The following RIN2 variants were observed in gnomAD, a reference collection of about 807,000 sequenced individuals.
The protein encoded by RIN2 is Ras and Rab interactor 2, also known as RAB5 interacting protein 2.
Under a neutral mutation model 78.0 loss-of-function variants are expected in RIN2, and 36 were observed. The observed-to-expected ratio is 0.46, with a 90% CI of 0.35 to 0.61. The LOEUF is 0.61. Among genes scored for constraint, RIN2 ranks in the 20% least tolerant of loss-of-function variants. The pLI is 0.00. For missense variants in RIN2, 1,087 were observed against 1,159.7 expected, an observed-to-expected ratio of 0.94 and a Z score of 0.91; for synonymous variants, 466 against 466.8, an observed-to-expected ratio of 1.00 and a Z score of 0.02.
chr20:19,905,493 T>G (rs1473743143), intron 3 of RIN2, among the ~76,000 whole-genome samples: 3 of 152,094 alleles, frequency 2.0e-5, no homozygotes, highest in Admixed American at 6.6e-5. Flanking sequence ...GAGGCTGAGA[T>G]GGGAGGATGG....
At chr20:19,889,543 A>G (rs2038346352) in intron 2 of RIN2, 23 bp from the exon 3 acceptor site, 1 of 1,544,716 alleles carries the variant, frequency 6.5e-7, no homozygotes, top group South Asian at 1.2e-5. Context: ...TGGACTAACC[A>G]TTAAAAATGT....
chr20:19,997,412 G>T (rs2146422888), intron 12 of RIN2, among the ~76,000 whole-genome samples: 1 of 152,228 alleles, frequency 6.6e-6, no homozygotes, highest in African/African-American at 2.4e-5. Context: ...GGGAATGTGG[G>T]ACTCCCAGTG....
chr20:19,954,682 G>A (rs1394308759), intron 4 of RIN2, among the ~76,000 whole-genome samples: 1 of 151,840 alleles, frequency 6.6e-6, no homozygotes, highest in African/African-American at 2.4e-5. Context: ...GCCGCTACAT[G>A]GATACAAACT....
intron 3 of RIN2, among the ~76,000 whole-genome samples, chr20:19,903,951 C>T (rs2039100094): frequency 6.6e-6 from 1 of 152,026 alleles, no homozygotes; most frequent in Non-Finnish European, 1.5e-5. Flanking sequence ...TGCAGGTGTT[C>T]AATAAATATG....
In RIN2 at chr20:20,000,997, C is replaced by A. The variant is rs1407966105; in HGVS notation, c.*61C>A. ...GGGAGCTGGAAGCCTTGCCTTCCCG[C>A]TTCTACATGCTTGAGCTTGAAAAGC... On this transcript the variant is annotated 3_prime_UTR_variant, in exon 13 of 13. Transcript: ENST00000255006. The A allele has an allele frequency of 3.5e-6, 5 of 1,439,432 alleles. No individual in the cohort carries two copies. The highest frequency in any genetic ancestry group is 4.6e-5 in the East Asian group (2 of 43,784). The allele number at this position is 1,439,432 out of a possible 1,614,324, so 89.2% of individuals were successfully genotyped here.
intron 2 of RIN2, among the ~76,000 whole-genome samples, chr20:19,878,737 C>A (rs967320364): frequency 6.6e-6 from 1 of 152,192 alleles, no homozygotes; most frequent in African/African-American, 2.4e-5. Context: ...GCTGTCTCTA[C>A]TGTCAACTCA....
chr20:19,961,638 T>C (rs1194459201), intron 6 of RIN2, among the ~76,000 whole-genome samples: 1 of 150,530 alleles, frequency 6.6e-6, no homozygotes, highest in Non-Finnish European at 1.5e-5. Flanking sequence ...TGAAGGTCAA[T>C]TTCAGGGCCG....
chr20:19,896,337 C>T (rs534468056), intron 3 of RIN2, among the ~76,000 whole-genome samples: 42 of 152,224 alleles, frequency 2.8e-4, no homozygotes, highest in South Asian at 6.2e-4. Flanking sequence ...TACAGGCATG[C>T]GCCACCACAC....
chr20:19,880,195 G>A (rs2037977881), intron 2 of RIN2, among the ~76,000 whole-genome samples: 1 of 150,478 alleles, frequency 6.6e-6, no homozygotes, highest in Non-Finnish European at 1.5e-5. Context: ...AGATTGCAGT[G>A]AGCCGAGATC....
chr20:19,951,162 G>A (rs998828019), intron 4 of RIN2, among the ~76,000 whole-genome samples: 2 of 152,074 alleles, frequency 1.3e-5, no homozygotes, highest in Non-Finnish European at 2.9e-5. Flanking sequence ...CCAAAGTGCT[G>A]GGATTACAGG....
At chr20:19,952,614 A>G (rs1448095057) in intron 4 of RIN2, among the ~76,000 whole-genome samples, 1 of 152,188 alleles carries the variant, frequency 6.6e-6, no homozygotes, top group Non-Finnish European at 1.5e-5. Context: ...TTGTCAGAAC[A>G]AAGGCTTTTC....
At chr20:19,946,198 GTC>G (rs2041082600) in intron 4 of RIN2, among the ~76,000 whole-genome samples, 1 of 152,182 alleles carries the variant, frequency 6.6e-6, no homozygotes, top group African/African-American at 2.4e-5. Flanking sequence ...AGGGAGAGAA[GTC>G]TGACCAGAGT....
Position 19,971,735 on chromosome 20 carries a change from A to ATTTTTTTTTTTTTTTT in RIN2, c.628+815_628+830dup, listed in dbSNP as rs61019165. On this transcript the variant is annotated intron_variant, in intron 8 of 12. Transcript: ENST00000255006. ...TGAATTCCCTTCTGCTGAAACTGCA[A>ATTTTTTTTTTTTTTTT]TTTTTTTTTTTTTTTTTTTTTTTTG... 2.6e-4 allele frequency among the ~76,000 whole-genome samples: 24 copies of ATTTTTTTTTTTTTTTT among 91,534 alleles called. 4 individuals carry two copies. The highest frequency in any genetic ancestry group is 4.0e-4 in the African/African-American group (8 of 20,144). The allele number at this position is 91,534 out of a possible 152,430, so 60.0% of individuals were successfully genotyped here.
intron 1 of RIN2, among the ~76,000 whole-genome samples, chr20:19,781,589 G>A (rs1480957965): frequency 6.6e-6 from 1 of 152,080 alleles, no homozygotes; most frequent in Non-Finnish European, 1.5e-5. Flanking sequence ...CACCACAGCT[G>A]GCTAATTTTT....
chr20:19,903,128 A>C (rs1174947584), intron 3 of RIN2, among the ~76,000 whole-genome samples: 2 of 152,202 alleles, frequency 1.3e-5, no homozygotes, highest in African/African-American at 4.8e-5. Flanking sequence ...AATAAAATTT[A>C]AATTTAACTT....
At chr20:19,898,189 T>C (rs2038822104) in intron 3 of RIN2, among the ~76,000 whole-genome samples, 1 of 152,256 alleles carries the variant, frequency 6.6e-6, no homozygotes, top group African/African-American at 2.4e-5. Context: ...TAAATGGTTT[T>C]TCCAGTACAT....
At chr20:19,978,334 G>A (rs1464976408) in intron 9 of RIN2, among the ~76,000 whole-genome samples, 1 of 152,164 alleles carries the variant, frequency 6.6e-6, no homozygotes, top group African/African-American at 2.4e-5. Flanking sequence ...GTCATTCTTA[G>A]GTGAAAATGA....
chr20:19,998,261 C>A (rs2043033117), intron 12 of RIN2, among the ~76,000 whole-genome samples: 2 of 151,616 alleles, frequency 1.3e-5, no homozygotes, highest in South Asian at 4.2e-4. Context: ...GGATTACAGG[C>A]GTGAGCCACT....
chr20:19,792,367 ATAG>A (rs2034915344), intron 1 of RIN2, among the ~76,000 whole-genome samples: 2 of 152,254 alleles, frequency 1.3e-5, no homozygotes, highest in African/African-American at 4.8e-5. Flanking sequence ...CTGAGGCCTC[ATAG>A]TGTCATTTCT....
Sources: gnomAD v4.1 joint callset for allele counts (sites outside exome capture counted in the v4.1 genomes callset) on GRCh38, gnomAD v4.1.1 for gene constraint, MANE v1.5 for transcripts, NCBI Gene and HGNC (gene_info 2026-07-23, HGNC 2026-07-21) for gene names.